Variants in CIMAP2 observed in about 807,000 individuals in gnomAD.
CIMAP2 encodes the protein ciliary microtubule associated protein 2, also known as ciliary microtubule-associated protein 2.
the CIMAP2 span, chr1:54,811,777 CCA>C: frequency 3.9e-6 from 2 of 511,438 alleles, no homozygotes; most frequent in Non-Finnish European, 7.4e-6. Flanking sequence ...CTCCATGCCC[CCA>C]CCCCCGCCCC....
At chr1:54,813,560 G>A in the CIMAP2 span, among the ~76,000 whole-genome samples, 1 of 152,188 alleles carries the variant, frequency 6.6e-6, no homozygotes. Context: ...AAGGAGCTGG[G>A]CAGTAGGGTG....
the CIMAP2 span, chr1:54,813,688 C>A: frequency 1.1e-6 from 1 of 870,328 alleles, no homozygotes; most frequent in Non-Finnish European, 1.6e-6. Context: ...CTCCGGCCTC[C>A]GGGATGTCTG....
At chr1:54,814,446 A>T in the CIMAP2 span, among the ~76,000 whole-genome samples, 1 of 152,170 alleles carries the variant, frequency 6.6e-6, no homozygotes, top group African/African-American at 2.4e-5. Context: ...CAGGCCCCCA[A>T]AGCACGGTCT....
At chr1:54,821,729 G>A in the CIMAP2 span, among the ~76,000 whole-genome samples, 1 of 151,856 alleles carries the variant, frequency 6.6e-6, no homozygotes, top group African/African-American at 2.4e-5. Flanking sequence ...ACTAATTATT[G>A]TATGTTAATT....
At chr1:54,806,202 T>G in the CIMAP2 span, 1 of 1,543,330 alleles carries the variant, frequency 6.5e-7, no homozygotes, top group South Asian at 1.2e-5. Flanking sequence ...GGGGCGCCCT[T>G]CGGGGTGCAG....
At chr1:54,811,485 G>T in the CIMAP2 span, among the ~76,000 whole-genome samples, 1 of 152,176 alleles carries the variant, frequency 6.6e-6, no homozygotes, top group African/African-American at 2.4e-5. Flanking sequence ...AATGACATGT[G>T]CTTGAGGAGC....
At chr1:54,819,984 C>T in the CIMAP2 span, among the ~76,000 whole-genome samples, 719 of 111,100 alleles carry the variant, frequency 6.5e-3, 18 homozygotes, top group African/African-American at 0.023. Flanking sequence ...CTTTTTCTCT[C>T]TTTCTTCTTT....
chr1:54,821,886 C>CTTTTTTTTTTT, the CIMAP2 span, among the ~76,000 whole-genome samples: 78 of 66,588 alleles, frequency 1.2e-3, 6 homozygotes, highest in Non-Finnish European at 1.4e-3. Context: ...CCTCTTATTT[C>CTTTTTTTTTTT]TTTTTTTTTT....
the CIMAP2 span, among the ~76,000 whole-genome samples, chr1:54,819,989 T>TTTC: frequency 7.2e-6 from 1 of 138,670 alleles, no homozygotes; most frequent in Non-Finnish European, 1.6e-5. Context: ...TCTCTCTTTC[T>TTTC]TCTTTCTTTC....
the CIMAP2 span, among the ~76,000 whole-genome samples, chr1:54,821,216 A>G: frequency 1.6e-5 from 2 of 126,124 alleles, no homozygotes; most frequent in Non-Finnish European, 3.3e-5. Context: ...TTGCTGTGCA[A>G]AAGTTTTTAG....
At chr1:54,818,856 G>A in the CIMAP2 span, among the ~76,000 whole-genome samples, 14 of 152,280 alleles carry the variant, frequency 9.2e-5, no homozygotes, top group Middle Eastern at 3.4e-3. Flanking sequence ...GCCTCCCAAC[G>A]TGCTGGGATT....
the CIMAP2 span, chr1:54,811,765 G>GCCGGGGGGGGGGGGGCCCCCCCC: frequency 2.2e-5 from 28 of 1,301,246 alleles, no homozygotes; most frequent in Non-Finnish European, 2.2e-5. Flanking sequence ...GGTTCTGACA[G>GCCGGGGGGGGGGGGGCCCCCCCC]CCTCCATGCC....
chr1:54,828,022 A>G, the CIMAP2 span, among the ~76,000 whole-genome samples: 225 of 152,348 alleles, frequency 1.5e-3, no homozygotes, highest in African/African-American at 5.1e-3. Context: ...AGGTTTCTCA[A>G]TGAAGTCAAG....
At chr1:54,810,394 G>C in the CIMAP2 span, among the ~76,000 whole-genome samples, 1 of 152,206 alleles carries the variant, frequency 6.6e-6, no homozygotes, top group Non-Finnish European at 1.5e-5. Flanking sequence ...CCAGGACCAA[G>C]ATGTTAAGGC....
the CIMAP2 span, among the ~76,000 whole-genome samples, chr1:54,824,599 T>G: frequency 6.6e-5 from 10 of 152,264 alleles, no homozygotes; most frequent in Non-Finnish European, 4.4e-5. Context: ...TCTGTCTGAC[T>G]AGATTATTTC....
the CIMAP2 span, among the ~76,000 whole-genome samples, chr1:54,828,089 A>G: frequency 6.6e-6 from 1 of 152,216 alleles, no homozygotes; most frequent in African/African-American, 2.4e-5. Flanking sequence ...TGGAGGTTGT[A>G]GCAAAAGCAA....
chr1:54,824,258 G>A, the CIMAP2 span, among the ~76,000 whole-genome samples: 1 of 152,176 alleles, frequency 6.6e-6, no homozygotes, highest in Non-Finnish European at 1.5e-5. Context: ...GAACTTCTGA[G>A]CTTGAGCAGT....
the CIMAP2 span, among the ~76,000 whole-genome samples, chr1:54,830,519 G>A: frequency 3.9e-5 from 6 of 152,152 alleles, no homozygotes; most frequent in South Asian, 1.0e-3. The surrounding 1 kb of genome is among the most constrained non-coding windows in gnomAD (Gnocchi z 4.1). Context: ...ACTGCACCTG[G>A]CCCCATTCCC....
chr1:54,817,025 C>T, the CIMAP2 span: 1 of 1,614,192 alleles, frequency 6.2e-7, no homozygotes, highest in Non-Finnish European at 8.5e-7. Flanking sequence ...CAACACCTGG[C>T]TGATGGAGAC....
Sources: allele counts gnomAD v4.1 joint callset (sites outside exome capture counted in the v4.1 genomes callset), GRCh38; gene constraint gnomAD v4.1.1; non-coding constraint Gnocchi (gnomAD v3.1); transcripts MANE v1.5; gene names NCBI Gene and HGNC (gene_info 2026-07-23, HGNC 2026-07-21).